CTNNA2: variants seen among roughly 807,000 people sequenced by gnomAD.
CTNNA2 encodes the protein catenin alpha-2.
In CTNNA2, 42 loss-of-function variants were observed where a neutral mutation model predicts 101.0. The observed-to-expected ratio is 0.42, with a 90% confidence interval of 0.32 to 0.54. CTNNA2 has a LOEUF of 0.54. CTNNA2 is among the 20% of genes least tolerant of loss of function. The pLI is 0.14. For missense variants in CTNNA2, 871 were observed against 1,223.1 expected (o/e 0.71, Z 4.29); for synonymous variants, 450 against 456.4 (o/e 0.99, Z 0.18).
intron 7 of CTNNA2, among the ~76,000 whole-genome samples, chr2:80,015,522 G>C (rs1251574406): frequency 2.0e-5 from 3 of 152,132 alleles, no homozygotes; most frequent in Non-Finnish European, 4.4e-5. Context: ...ATAGTTGAGG[G>C]GGTGAAGTAG....
At chr2:80,313,599 A>G (rs465650) in intron 7 of CTNNA2, 1 of 1,611,630 alleles carries the variant, frequency 6.2e-7, no homozygotes. Flanking sequence ...TCAGTAGGCA[A>G]AGTCTGTGAA....
intron 1 of CTNNA2, among the ~76,000 whole-genome samples, chr2:79,619,786 G>A (rs148924557): frequency 2.6e-4 from 39 of 152,172 alleles, no homozygotes; most frequent in African/African-American, 8.2e-4. Flanking sequence ...TATGAGAGCC[G>A]AAAATTTGCA....
chr2:79,874,441 A>G, intron 6 of CTNNA2, 99 bp downstream of exon 6: 1 of 1,408,262 alleles, frequency 7.1e-7, no homozygotes, highest in Non-Finnish European at 9.6e-7. Flanking sequence ...ATTTACATTG[A>G]TTTTTCTCTT....
intron 4 of CTNNA2, among the ~76,000 whole-genome samples, chr2:79,378,081 A>C (rs961831991): frequency 6.6e-6 from 1 of 152,212 alleles, no homozygotes; most frequent in Non-Finnish European, 1.5e-5. Flanking sequence ...AGTATTGACC[A>C]CAAGTATTGG....
intron 4 of CTNNA2, among the ~76,000 whole-genome samples, chr2:79,393,327 C>T (rs1016535436): frequency 6.6e-6 from 1 of 152,172 alleles, no homozygotes; most frequent in African/African-American, 2.4e-5. Flanking sequence ...AAACCAGCGT[C>T]AAGTGCAAAG....
chr2:79,947,625 C>T (rs778715315), intron 7 of CTNNA2, among the ~76,000 whole-genome samples: 1 of 152,110 alleles, frequency 6.6e-6, no homozygotes, highest in Non-Finnish European at 1.5e-5. Flanking sequence ...ACAATAAGCA[C>T]TTGTCAGATG....
chr2:80,078,209 T>C (rs1056743447), intron 7 of CTNNA2, among the ~76,000 whole-genome samples: 4 of 152,148 alleles, frequency 2.6e-5, no homozygotes, highest in Non-Finnish European at 5.9e-5. Context: ...CCACAGAACG[T>C]TTGCAGTTTT....
intron 7 of CTNNA2, among the ~76,000 whole-genome samples, chr2:80,003,860 C>T (rs1693135212): frequency 6.6e-6 from 1 of 152,094 alleles, no homozygotes; most frequent in South Asian, 2.1e-4. Context: ...TAACTCCATT[C>T]AATAGATCCC....
At chr2:79,582,808 G>A (rs1676229486) in intron 1 of CTNNA2, among the ~76,000 whole-genome samples, 1 of 152,064 alleles carries the variant, frequency 6.6e-6, no homozygotes, top group Admixed American at 6.6e-5. Flanking sequence ...CAGTTCTGTG[G>A]ATTGTAACAA....
chr2:80,006,492 A>G (rs1162695900), intron 7 of CTNNA2, among the ~76,000 whole-genome samples: 1 of 152,064 alleles, frequency 6.6e-6, no homozygotes, highest in Non-Finnish European at 1.5e-5. Context: ...ATACAAAACC[A>G]TGGCACTTAT....
At chr2:79,354,813 T>C (rs1677472444) in intron 3 of CTNNA2, among the ~76,000 whole-genome samples, 1 of 152,196 alleles carries the variant, frequency 6.6e-6, no homozygotes, top group South Asian at 2.1e-4. Flanking sequence ...GTCCTGGTAG[T>C]CAGCAATCCC....
intron 2 of CTNNA2, among the ~76,000 whole-genome samples, chr2:79,278,429 G>A (rs999857924): frequency 2.0e-5 from 3 of 152,058 alleles, no homozygotes; most frequent in East Asian, 1.9e-4. Context: ...GGGCATTATT[G>A]TATTGTAGGG....
chr2:79,315,704 G>A (rs1467694887), intron 3 of CTNNA2, among the ~76,000 whole-genome samples: 1 of 152,080 alleles, frequency 6.6e-6, no homozygotes, highest in African/African-American at 2.4e-5. Flanking sequence ...TATGGATAGT[G>A]CTACTATGAA....
chr2:80,006,491 C>A (rs1693359869), intron 7 of CTNNA2, among the ~76,000 whole-genome samples: 1 of 152,162 alleles, frequency 6.6e-6, no homozygotes, highest in Non-Finnish European at 1.5e-5. Flanking sequence ...CATACAAAAC[C>A]ATGGCACTTA....
intron 9 of CTNNA2, among the ~76,000 whole-genome samples, chr2:80,433,317 A>G (rs1470565691): frequency 6.6e-6 from 1 of 152,218 alleles, no homozygotes; most frequent in East Asian, 2.0e-4. Context: ...GAAGGGGCTC[A>G]GGTGGGAACC....
intron 1 of CTNNA2, among the ~76,000 whole-genome samples, chr2:79,535,503 C>A (rs1407658371): frequency 6.6e-6 from 1 of 151,876 alleles, no homozygotes; most frequent in Admixed American, 6.6e-5. Flanking sequence ...TGCACCCGGC[C>A]CATATTTTGC....
At chr2:80,250,808 T>C (rs181867619) in intron 7 of CTNNA2, among the ~76,000 whole-genome samples, 6 of 152,318 alleles carry the variant, frequency 3.9e-5, no homozygotes, top group Admixed American at 3.9e-4. Flanking sequence ...CTTTATCTTC[T>C]GAACCTAAGT....
At chr2:79,198,445 T>G (rs1357135077) in intron 2 of CTNNA2, among the ~76,000 whole-genome samples, 2 of 152,188 alleles carry the variant, frequency 1.3e-5, no homozygotes. Flanking sequence ...TCAAAAGCTA[T>G]TTCATAAATG....
intron 7 of CTNNA2, among the ~76,000 whole-genome samples, chr2:80,310,917 G>A (rs972297681): frequency 6.8e-6 from 1 of 146,792 alleles, no homozygotes; most frequent in African/African-American, 2.6e-5. Flanking sequence ...ATGTTGCAGT[G>A]ATCTGAGATC....
Sources: gnomAD v4.1 joint callset for allele counts (sites outside exome capture counted in the v4.1 genomes callset) on GRCh38, gnomAD v4.1.1 for gene constraint, MANE v1.5 for transcripts, NCBI Gene and HGNC (gene_info 2026-07-23, HGNC 2026-07-21) for gene names.